FHIT: variants seen among roughly 807,000 people sequenced by gnomAD.
The protein encoded by FHIT is bis(5'-adenosyl)-triphosphatase.
In FHIT, 19 loss-of-function variants were observed where a neutral mutation model predicts 17.9. The observed-to-expected ratio is 1.06, with a 90% CI of 0.74 to 1.56. The LOEUF is 1.56. FHIT is among the 40% of genes most tolerant of loss of function. The pLI, the probability that FHIT is intolerant of heterozygous loss-of-function variation, is 0.00. For missense variants in FHIT, 248 were observed against 189.2 expected, an observed-to-expected ratio of 1.31 and a Z score of -1.82; for synonymous variants, 81 against 69.7, an observed-to-expected ratio of 1.16 and a Z score of -0.81.
chr3:60,637,024 G>T (rs180794021), intron 4 of FHIT, among the ~76,000 whole-genome samples: 1 of 152,258 alleles, frequency 6.6e-6, no homozygotes, highest in Non-Finnish European at 1.5e-5. Context: ...GGAAACAGCT[G>T]CTGTCTGGGA....
At chr3:59,806,986 A>G (rs1380586367) in intron 8 of FHIT, among the ~76,000 whole-genome samples, 2 of 152,168 alleles carry the variant, frequency 1.3e-5, no homozygotes, top group Non-Finnish European at 2.9e-5. Flanking sequence ...GACCATTGCC[A>G]TACTTCTGGA....
intron 4 of FHIT, among the ~76,000 whole-genome samples, chr3:60,820,966 C>CTATTAT (rs10576663): frequency 2.4e-4 from 36 of 150,356 alleles, no homozygotes; most frequent in South Asian, 2.3e-3. Flanking sequence ...TACTTTCTTG[C>CTATTAT]TATTATTATT....
chr3:60,703,509 C>A (rs546400564), intron 4 of FHIT, among the ~76,000 whole-genome samples: 3 of 152,190 alleles, frequency 2.0e-5, no homozygotes, highest in East Asian at 3.9e-4. Flanking sequence ...GAAATGAAGC[C>A]TATTTTAAAC....
intron 3 of FHIT, among the ~76,000 whole-genome samples, chr3:60,900,294 C>T (rs956606803): frequency 2.0e-5 from 3 of 151,918 alleles, no homozygotes; most frequent in Non-Finnish European, 4.4e-5. Flanking sequence ...GGTGTGGTGG[C>T]CATGCCTGAA....
intron 5 of FHIT, among the ~76,000 whole-genome samples, chr3:60,092,515 G>C (rs527529033): frequency 6.6e-6 from 1 of 152,292 alleles, no homozygotes; most frequent in East Asian, 1.9e-4. Flanking sequence ...TAACTAAAAA[G>C]TATGTGAAAC....
intron 4 of FHIT, among the ~76,000 whole-genome samples, chr3:60,615,548 T>G (rs971788765): frequency 1.3e-5 from 2 of 152,350 alleles, no homozygotes; most frequent in African/African-American, 2.4e-5. Context: ...CAGAGCAAAG[T>G]GATGGTCCAA....
At chr3:60,094,713 C>A (rs1433331550) in intron 5 of FHIT, among the ~76,000 whole-genome samples, 1 of 151,926 alleles carries the variant, frequency 6.6e-6, no homozygotes, top group Non-Finnish European at 1.5e-5. Flanking sequence ...TTCATGTCAC[C>A]CAGCAAACAG....
At chr3:60,060,606 T>C (rs886212634) in intron 5 of FHIT, among the ~76,000 whole-genome samples, 31 of 152,222 alleles carry the variant, frequency 2.0e-4, no homozygotes, top group African/African-American at 2.4e-5. Flanking sequence ...ACATGAAAAC[T>C]GTGGCACATT....
At chr3:61,182,535 TG>T (rs1415186382) in intron 2 of FHIT, among the ~76,000 whole-genome samples, 1 of 152,224 alleles carries the variant, frequency 6.6e-6, no homozygotes, top group African/African-American at 2.4e-5. Context: ...AAAGATTTCA[TG>T]TGACTAACCA....
At chr3:60,553,811 C>T (rs1165294665) in intron 4 of FHIT, among the ~76,000 whole-genome samples, 17 of 152,058 alleles carry the variant, frequency 1.1e-4, no homozygotes, top group Non-Finnish European at 2.4e-4. Flanking sequence ...AAAAGCCAAG[C>T]ACAGTGGCTC....
At chr3:60,087,277 AGG>A (rs967296428) in intron 5 of FHIT, among the ~76,000 whole-genome samples, 3 of 152,140 alleles carry the variant, frequency 2.0e-5, no homozygotes, top group Non-Finnish European at 4.4e-5. Flanking sequence ...CTATGATAGG[AGG>A]GGTGGTTGTG....
chr3:59,945,032 T>G (rs1464396007), intron 7 of FHIT, among the ~76,000 whole-genome samples: 4 of 152,150 alleles, frequency 2.6e-5, no homozygotes, highest in Non-Finnish European at 5.9e-5. Context: ...TTTTCCTTTG[T>G]GTATATACTC....
At chr3:60,434,151 G>C (rs2029991567) in intron 5 of FHIT, among the ~76,000 whole-genome samples, 1 of 152,070 alleles carries the variant, frequency 6.6e-6, no homozygotes, top group Non-Finnish European at 1.5e-5. Flanking sequence ...TTTAATGACA[G>C]TGGGTGGTTA....
intron 4 of FHIT, among the ~76,000 whole-genome samples, chr3:60,640,025 C>T (rs2039686790): frequency 1.3e-5 from 2 of 152,178 alleles, no homozygotes; most frequent in East Asian, 1.9e-4. Flanking sequence ...GGAAGCGAGA[C>T]ACAAGGGAGT....
intron 5 of FHIT, among the ~76,000 whole-genome samples, chr3:60,110,041 G>A (rs974433917): frequency 6.6e-6 from 1 of 152,150 alleles, no homozygotes; most frequent in Admixed American, 6.5e-5. Context: ...CACGCACTCA[G>A]TTAGGCCTAA....
chr3:60,092,011 G>A (rs1417411913), intron 5 of FHIT, among the ~76,000 whole-genome samples: 1 of 152,106 alleles, frequency 6.6e-6, no homozygotes, highest in Admixed American at 6.5e-5. Flanking sequence ...GTCTCCCCCT[G>A]GTTGGCTGCT....
At chr3:59,861,860 C>T in intron 8 of FHIT, among the ~76,000 whole-genome samples, 1 of 151,308 alleles carries the variant, frequency 6.6e-6, no homozygotes, top group Non-Finnish European at 1.5e-5. Context: ...ACATGGTATT[C>T]AGAAGGAAAA....
At chr3:60,292,390 C>T (rs950905050) in intron 5 of FHIT, among the ~76,000 whole-genome samples, 1 of 151,948 alleles carries the variant, frequency 6.6e-6, no homozygotes, top group Non-Finnish European at 1.5e-5. Context: ...GGGAGTTCCC[C>T]TTCCCCTTCC....
At chr3:60,402,172 ACACT>A (rs1369537361) in intron 5 of FHIT, among the ~76,000 whole-genome samples, 33 of 152,326 alleles carry the variant, frequency 2.2e-4, no homozygotes, top group African/African-American at 7.2e-4. Context: ...AATCTCATAG[ACACT>A]CACATCAGAT....
Sources: gnomAD v4.1 joint callset for allele counts (sites outside exome capture counted in the v4.1 genomes callset) on GRCh38, gnomAD v4.1.1 for gene constraint, MANE v1.5 for transcripts, NCBI Gene and HGNC (gene_info 2026-07-23, HGNC 2026-07-21) for gene names.